Variants in TOP3B observed in about 807,000 individuals in gnomAD.
The protein encoded by TOP3B is DNA topoisomerase 3-beta-1.
In TOP3B, 45 loss-of-function variants were observed where a neutral mutation model predicts 93.9. That is an observed-to-expected ratio of 0.48 (90% CI 0.38 to 0.61). TOP3B has a LOEUF of 0.61. Ranked by LOEUF, TOP3B falls within the 20% of genes least tolerant of loss-of-function variation. The pLI is 0.00. For synonymous variants in TOP3B, 357 were observed against 472.6 expected (o/e 0.76, Z 3.17); for missense variants, 750 against 1,156.1 (o/e 0.65, Z 5.09).
chr22:21,967,450 G>C (rs1481518307), intron 8 of TOP3B, 153 bp downstream of exon 8: 1 of 650,302 alleles, frequency 1.5e-6, no homozygotes, highest in Non-Finnish European at 2.7e-6. Context: ...GTATATGAGG[G>C]AGTAACCATT....
rs1190516534 is a variant in TOP3B, at chr22:21,972,808, A to G, written c.203-90T>C. The G allele has an allele frequency of 1.0e-5, 11 of 1,050,998 alleles. No homozygotes were observed. In the African/African-American group the frequency reaches 1.6e-4, roughly 15 times the overall value. 65.1% of individuals were successfully genotyped at this position (1,050,998 alleles called of 1,614,324 possible). A position where few individuals can be genotyped will look rare whatever the true frequency, so the allele number is the denominator to read the frequency against. On this transcript the variant is annotated intron_variant, in intron 3 of 17. Coordinates refer to ENST00000357179, the MANE Select transcript of TOP3B (RefSeq NM_001282112.2). The stretch of plus-strand genomic sequence containing the variant: ...GGAGGATGTTGGCCTCATCCCACAA[A>G]TGAGGAGGGGAAAGCTTGGAGAACA...
rs972762106 is a variant in TOP3B at position 21,963,879 on chromosome 22, C to T, written c.1204+44G>A. 6.9e-6 allele frequency: 11 copies of T among 1,600,864 alleles called. No individual in the cohort carries two copies. The highest frequency in any genetic ancestry group is 9.4e-6 in the Non-Finnish European group (11 of 1,170,166). ...GCAACCTTCACTGTCGCAGCTCGCC[C>T]TTCCCTCCCTGGAAGCACACCGGGT... is the stretch of plus-strand genomic sequence containing the variant. On this transcript the variant is annotated intron_variant, in intron 11 of 17. Transcript: ENST00000357179. The surrounding 1 kb of genome is among the most constrained non-coding windows in gnomAD (Gnocchi z 4.8).
Position 21,970,822 on chromosome 22 carries a change from T to G in TOP3B, c.385-416A>C. On this transcript the variant is annotated intron_variant, in intron 5 of 17. Transcript: ENST00000357179. The surrounding 1 kb of genome is among the most constrained non-coding windows in gnomAD (Gnocchi z 4.4). ...TTCTAGGAGGGAGGGTTTGGAGGGG[T>G]GGGTGGAAATTTTAAGAGGCTGAAG... 2 of 304,802 alleles carry G rather than the reference T, an allele frequency of 6.6e-6. No homozygotes were observed. Among genetic ancestry groups the G allele is most frequent in the South Asian group, 3.8e-5 (1 of 26,232 alleles). 18.9% of individuals were successfully genotyped at this position (304,802 alleles called of 1,614,324 possible).
intron 1 of TOP3B, among the ~76,000 whole-genome samples, chr22:21,980,099 A>C (rs1229777758): frequency 6.6e-6 from 1 of 152,198 alleles, no homozygotes; most frequent in African/African-American, 2.4e-5. Flanking sequence ...TGTAGAGAGC[A>C]CTGCCATCTG....
In TOP3B at chr22:21,971,193, G is replaced by C. The variant is rs2145864594; in HGVS notation, c.384+684C>G. On this transcript the variant is annotated intron_variant, in intron 5 of 17. Coordinates refer to ENST00000357179, the MANE Select transcript of TOP3B (RefSeq NM_001282112.2). This position sits in a 1 kb window ranked among gnomAD's most constrained non-coding sequence, Gnocchi z 4.6. Reference sequence around the variant, plus strand: ...CAGAGTGTGATCGCATTTGCTGAGGGTGCTGTACTGCAACGCCAGGTGCCT... The same window carrying C: ...CAGAGTGTGATCGCATTTGCTGAGGCTGCTGTACTGCAACGCCAGGTGCCT... 2.1e-6 allele frequency: 1 copy of C among 487,686 alleles called. No individual in the cohort carries two copies. The highest frequency in any genetic ancestry group is 2.0e-5 in the South Asian group (1 of 50,644). 30.2% of individuals were successfully genotyped at this position (487,686 alleles called of 1,614,324 possible). A position where few individuals can be genotyped will look rare whatever the true frequency, so the allele number is the denominator to read the frequency against.
chr22:21,959,194 C>T lies in TOP3B; in HGVS notation c.1843G>A (p.Ala615Thr), dbSNP rs1391146614. ...CGTGAGAGGGGCTTGCCTGTGGCCG[C>T]CAGGGGCGAGAAAGACACCTCCATC... ...ELMEVSFSPL[A>T]ATGKPLSRCG... Residue 615 changes from alanine to threonine, a missense_variant, in exon 16 of 18, where the codon GCG becomes ACG. This residue lies in a region of TOP3B where 737 missense variants were observed against 933.7 expected (regional missense o/e 0.79). Coordinates refer to ENST00000357179, the MANE Select transcript of TOP3B (RefSeq NM_001282112.2). 1 of 1,613,466 alleles carries T rather than the reference C, an allele frequency of 6.2e-7. No homozygotes were observed. The highest frequency in any genetic ancestry group is 8.5e-7 in the Non-Finnish European group (1 of 1,179,994).
intron 9 of TOP3B, chr22:21,964,677 C>T (rs553604296): frequency 7.0e-5 from 19 of 271,002 alleles, no homozygotes; most frequent in South Asian, 1.2e-4. Context: ...AACCATACCT[C>T]GGGGTTGGCT....
chr22:21,972,884 C>T, intron 3 of TOP3B, 166 bp from the exon 4 acceptor site: 1 of 643,934 alleles, frequency 1.6e-6, no homozygotes, highest in East Asian at 2.9e-5. Flanking sequence ...GATGTGGGTT[C>T]AGGCCTTTGG....
At chr22:21,979,997 G>A (rs2084593161) in intron 1 of TOP3B, among the ~76,000 whole-genome samples, 1 of 149,558 alleles carries the variant, frequency 6.7e-6, no homozygotes, top group East Asian at 2.0e-4. Context: ...GCACCTGGCA[G>A]CATTACAAAG....
At chr22:21,961,250 TGGCGTGTGCC>T (rs2071167695) in intron 13 of TOP3B, 1 of 152,222 alleles carries the variant, frequency 6.6e-6, no homozygotes. Context: ...AGGCTGTGGG[TGGCGTGTGCC>T]ACTACCACCC....
chr22:21,971,753 T>C lies in TOP3B; in HGVS notation c.384+124A>G. 2.4e-6 allele frequency: 2 copies of C among 832,178 alleles called. No individual in the cohort carries two copies. The highest frequency in any genetic ancestry group is 4.1e-6 in the Non-Finnish European group (2 of 488,452). 51.5% of individuals were successfully genotyped at this position (832,178 alleles called of 1,614,324 possible). Reference sequence around the variant, plus strand: ...CAGAATAAAGGGAGGGGAGAGGTGTTTTTAAACCGGTACAGTTTACTCCCT... The same window carrying C: ...CAGAATAAAGGGAGGGGAGAGGTGTCTTTAAACCGGTACAGTTTACTCCCT... On this transcript the variant is annotated intron_variant, in intron 5 of 17. Transcript: ENST00000357179. This position sits in a 1 kb window ranked among gnomAD's most constrained non-coding sequence, Gnocchi z 4.6.
chr22:21,976,510 G>T (rs917463814), intron 1 of TOP3B: 1 of 152,208 alleles, frequency 6.6e-6, no homozygotes, highest in Non-Finnish European at 1.5e-5. Context: ...AGAAAGCTCC[G>T]CCAGGCCTGG....
At chr22:21,978,669 G>A (rs1399848900) in intron 1 of TOP3B, among the ~76,000 whole-genome samples, 1 of 152,118 alleles carries the variant, frequency 6.6e-6, no homozygotes, top group Non-Finnish European at 1.5e-5. Context: ...TCACCATGTG[G>A]GGGACACTGA....
chr22:21,972,019 C>T, intron 4 of TOP3B, 68 bp from the exon 5 acceptor site: 1 of 1,411,942 alleles, frequency 7.1e-7, no homozygotes, highest in South Asian at 1.3e-5. Context: ...CCCCAGTGCT[C>T]CCATCCAGGA....
In TOP3B at chr22:21,970,577, C is replaced by T. The variant is rs1601845839; in HGVS notation, c.385-171G>A. 5.9e-6 allele frequency: 4 copies of T among 673,226 alleles called. No homozygotes were observed. The East Asian group carries it at 1.1e-4, about 18-fold the overall frequency. The allele number at this position is 673,226 out of a possible 1,614,324, so 41.7% of individuals were successfully genotyped here. A position where few individuals can be genotyped will look rare whatever the true frequency, so the allele number is the denominator to read the frequency against. ...TTTCCTGCACCTGCCAGACCCTCCT[C>T]TATCCCCCTGCCTTTCCAGAAGCCC... On this transcript the variant is annotated intron_variant, in intron 5 of 17. Transcript: ENST00000357179. The surrounding 1 kb of genome is among the most constrained non-coding windows in gnomAD (Gnocchi z 4.4).
Position 21,975,564 on chromosome 22 carries a change from A to T in TOP3B, c.70+76T>A, listed in dbSNP as rs2145877001. 18 of 1,487,822 alleles carry T rather than the reference A, an allele frequency of 1.2e-5. 1 individual carries two copies. In the South Asian group the frequency reaches 2.2e-4, roughly 18 times the overall value. 92.2% of individuals were successfully genotyped at this position (1,487,822 alleles called of 1,614,324 possible). On this transcript the variant is annotated intron_variant, in intron 2 of 17. Transcript: ENST00000357179. ...CCAAATCTACCCCAGCCAGGGTGGA[A>T]TCACATTAGGAAAAAATGTCCTGTA...
intron 3 of TOP3B, chr22:21,974,119 C>G: frequency 4.9e-6 from 2 of 411,786 alleles, no homozygotes; most frequent in South Asian, 3.0e-5. Context: ...GGAAGGCACA[C>G]AGGGAATGCA....
intron 13 of TOP3B, 183 bp from the exon 14 acceptor site, chr22:21,960,632 A>C: frequency 1.3e-6 from 1 of 774,488 alleles, no homozygotes; most frequent in Non-Finnish European, 2.0e-6. Context: ...CATGCATTTC[A>C]TGTTCTGCCT....
At chr22:21,977,397 T>G (rs1045807788) in intron 1 of TOP3B, 1 of 151,416 alleles carries the variant, frequency 6.6e-6, no homozygotes, top group African/African-American at 2.4e-5. Context: ...GGTGTGGTGG[T>G]GGGTGCCTAT....
Sources: allele counts gnomAD v4.1 joint callset (sites outside exome capture counted in the v4.1 genomes callset), GRCh38; gene constraint gnomAD v4.1.1; regional missense constraint gnomAD v4.1.1; non-coding constraint Gnocchi (gnomAD v3.1); transcripts MANE v1.5; gene names NCBI Gene and HGNC (gene_info 2026-07-23, HGNC 2026-07-21).